MAOB: variants seen among roughly 807,000 people sequenced by gnomAD.
MAOB encodes monoamine oxidase B, also known as amine oxidase [flavin-containing] B.
MAOB carries 15 observed loss-of-function variants against 41.9 expected under a neutral mutation model. The observed-to-expected ratio is 0.36, with a 90% CI of 0.24 to 0.55. MAOB has a LOEUF of 0.55. MAOB is among the 20% of genes least tolerant of loss of function. MAOB has a pLI of 0.86. For synonymous variants in MAOB, 167 were observed against 144.2 expected (o/e 1.16, Z -1.13); for missense variants, 345 against 398.7 (o/e 0.87, Z 1.15).
chrX:43,780,872 C>A (rs1211336889), intron 9 of MAOB, among the ~76,000 whole-genome samples: 1 of 111,957 alleles, frequency 8.9e-6, no homozygotes, highest in Non-Finnish European at 1.9e-5. Context: ...TTTGATCTCT[C>A]TGTTCTGACT....
chrX:43,799,686 C>T (rs1016895446), intron 5 of MAOB, among the ~76,000 whole-genome samples: 4 of 110,849 alleles, frequency 3.6e-5, no homozygotes, highest in Non-Finnish European at 7.6e-5. Flanking sequence ...GCAATATTTC[C>T]GTATTTTTTG....
intron 3 of MAOB, among the ~76,000 whole-genome samples, chrX:43,810,242 C>CAAAAAAAA (rs143045804): frequency 2.7e-5 from 1 of 37,684 alleles, no homozygotes; most frequent in African/African-American, 1.5e-4. Flanking sequence ...GACTCTGTCT[C>CAAAAAAAA]AAAAAAAAAA....
In MAOB at chrX:43,831,362, G is replaced by A. The variant is rs1303038918; in HGVS notation, c.279+7506C>T. ...AGAGGAGCTCTTTATAAAATGTTTTGGCAGTACTAAAAAGTACAAAGAAGA... is the reference window on the plus strand; with the variant it reads ...AGAGGAGCTCTTTATAAAATGTTTTAGCAGTACTAAAAAGTACAAAGAAGA... On this transcript the variant is annotated intron_variant, in intron 3 of 14. Coordinates refer to ENST00000378069, the MANE Select transcript of MAOB (RefSeq NM_000898.5). Among the ~76,000 whole-genome samples the A allele has an allele frequency of 2.7e-5, 3 of 110,863 alleles. No homozygotes were observed. In the East Asian group the frequency reaches 8.5e-4, roughly 31 times the overall value.
In MAOB at chrX:43,768,223, A is replaced by T. The variant is rs1056930370; in HGVS notation, c.1410+431T>A. 2.7e-5 allele frequency among the ~76,000 whole-genome samples: 3 copies of T among 112,467 alleles called. No individual in the cohort carries two copies. In the East Asian group the frequency reaches 8.3e-4, roughly 31 times the overall value. ...CTAGGATTTTATTACAAAAATGATG[A>T]GTATATTAAAAATAAAATTTTAATC... On this transcript the variant is annotated intron_variant, in intron 14 of 14. Transcript: ENST00000378069.
chrX:43,865,735 G>C (rs1041599431), intron 1 of MAOB, among the ~76,000 whole-genome samples: 1 of 108,400 alleles, frequency 9.2e-6, no homozygotes, highest in Non-Finnish European at 1.9e-5. Flanking sequence ...TCACTTCTAC[G>C]AACAACCATT....
chrX:43,776,203 G>A (rs1306269125), intron 11 of MAOB, among the ~76,000 whole-genome samples: 8 of 112,233 alleles, frequency 7.1e-5, no homozygotes. Context: ...ATCTTTCAAT[G>A]TATCTTGTTC....
intron 1 of MAOB, among the ~76,000 whole-genome samples, chrX:43,872,393 G>A (rs913376667): frequency 9.0e-6 from 1 of 111,472 alleles, no homozygotes; most frequent in Non-Finnish European, 1.9e-5. Flanking sequence ...TCGTTGGGTG[G>A]GGAGGAAATG....
intron 11 of MAOB, among the ~76,000 whole-genome samples, chrX:43,777,158 A>G (rs918686714): frequency 9.0e-6 from 1 of 111,683 alleles, no homozygotes; most frequent in East Asian, 2.8e-4. Context: ...TCAGGGATCT[A>G]GAACTAGAAA....
intron 1 of MAOB, among the ~76,000 whole-genome samples, chrX:43,881,699 G>A (rs1270804816): frequency 8.9e-6 from 1 of 111,813 alleles, no homozygotes; most frequent in African/African-American, 3.3e-5. Context: ...AGGAAAACAG[G>A]CATTTGCCAA....
chrX:43,784,697 G>T (rs2034377247), intron 8 of MAOB, among the ~76,000 whole-genome samples: 1 of 111,997 alleles, frequency 8.9e-6, no homozygotes, highest in Non-Finnish European at 1.9e-5. Flanking sequence ...AATGGACATT[G>T]ACTTCAACTT....
At chrX:43,867,072 G>C (rs2035369794) in intron 1 of MAOB, among the ~76,000 whole-genome samples, 1 of 112,740 alleles carries the variant, frequency 8.9e-6, no homozygotes, top group Non-Finnish European at 1.9e-5. Flanking sequence ...GCCAGAGAAA[G>C]CCTGCAGGCA....
intron 1 of MAOB, among the ~76,000 whole-genome samples, chrX:43,877,452 A>G (rs888076065): frequency 1.8e-5 from 2 of 111,236 alleles, no homozygotes; most frequent in African/African-American, 6.5e-5. Context: ...AGCAGAAAGA[A>G]CAAGGCTTTG....
chrX:43,851,364 T>G (rs1255393517), intron 1 of MAOB, among the ~76,000 whole-genome samples: 2 of 111,306 alleles, frequency 1.8e-5, no homozygotes, highest in Non-Finnish European at 1.9e-5. Flanking sequence ...GGGTACATAG[T>G]AGGTGGATGT....
Position 43,796,435 on chromosome X carries a change from G to T in MAOB, c.619-547C>A, listed in dbSNP as rs971691219. Among the ~76,000 whole-genome samples, 9 of 111,401 alleles carry T rather than the reference G, an allele frequency of 8.1e-5. No individual in the cohort carries two copies. In the Admixed American group the frequency reaches 8.7e-4, roughly 11 times the overall value. On this transcript the variant is annotated intron_variant, in intron 6 of 14. Transcript: ENST00000378069. ...TCATTTCACCTCACTGTACCCACCT[G>T]CCCTCAGCCTTGCTAAAACTTCCAA...
intron 1 of MAOB, chrX:43,850,230 A>C: frequency 2.7e-6 from 1 of 375,906 alleles, no homozygotes; most frequent in Non-Finnish European, 3.4e-6. Context: ...TATAACATAC[A>C]GAGATCCATG....
intron 1 of MAOB, among the ~76,000 whole-genome samples, chrX:43,846,387 G>A (rs900364715): frequency 3.6e-5 from 4 of 112,227 alleles, no homozygotes; most frequent in African/African-American, 6.5e-5. Flanking sequence ...ATCATTGAAC[G>A]GAGTTCTCTA....
At chrX:43,810,262 A>G (rs1471759805) in intron 3 of MAOB, among the ~76,000 whole-genome samples, 1 of 97,703 alleles carries the variant, frequency 1.0e-5, no homozygotes, top group Admixed American at 1.1e-4. Flanking sequence ...AAAAAAAAAA[A>G]AAAAAAGAAA....
chrX:43,873,187 C>T (rs750311165), intron 1 of MAOB, among the ~76,000 whole-genome samples: 1 of 111,608 alleles, frequency 9.0e-6, no homozygotes, highest in African/African-American at 3.3e-5. Context: ...GAAAATAACC[C>T]AAAGAAATGA....
Position 43,793,575 on chromosome X carries a change from T to C in MAOB, c.772A>G (p.Lys258Glu). The change falls in exon 8 of 15, where the codon AAA (lysine) becomes GAA (glutamate). Residue 258 changes from lysine to glutamate, a missense_variant. Transcript: ENST00000378069. ...GGAGGAATAGCACTAATCACATATTTAGCCTGAAAGAAAAGCAACATGGTT... is the reference window on the plus strand; with the variant it reads ...GGAGGAATAGCACTAATCACATATTCAGCCTGAAAGAAAAGCAACATGGTT... ...ETLNHEMYEAKYVISAIPPTL... is the reference protein window; with the variant it reads ...ETLNHEMYEAEYVISAIPPTL... 1 of 1,194,423 alleles carries C rather than the reference T, an allele frequency of 8.4e-7. No homozygotes were observed. The highest frequency in any genetic ancestry group is 1.8e-5 in the African/African-American group (1 of 56,907).
Sources: gnomAD v4.1 joint callset for allele counts (sites outside exome capture counted in the v4.1 genomes callset) on GRCh38, gnomAD v4.1.1 for gene constraint, MANE v1.5 for transcripts, NCBI Gene and HGNC (gene_info 2026-07-23, HGNC 2026-07-21) for gene names.